KIRREL3: variants seen among roughly 807,000 people sequenced by gnomAD.
KIRREL3 encodes the protein kirre like nephrin family adhesion molecule 3, also known as kin of IRRE-like protein 3.
Under a neutral mutation model 89.7 loss-of-function variants are expected in KIRREL3, and 36 were observed. The ratio of observed to expected loss-of-function variants is 0.40; its 90% CI spans 0.31 to 0.53. The LOEUF is 0.53. Among genes scored for constraint, KIRREL3 ranks in the 20% least tolerant of loss-of-function variants. KIRREL3 has a pLI of 0.49. For missense variants in KIRREL3, 864 were observed against 1,056.6 expected (o/e 0.82, Z 2.53); for synonymous variants, 445 against 441.4 (o/e 1.01, Z -0.10).
In KIRREL3 at chr11:126,570,040, C is replaced by A. The variant is rs1255391235; in HGVS notation, c.56-7128G>T. On this transcript the variant is annotated intron_variant, in intron 1 of 16. Transcript: ENST00000525144. This position sits in a 1 kb window ranked among gnomAD's most constrained non-coding sequence, Gnocchi z 6.1. ...CAAAGATCATAATTTTCTGATCAAC[C>A]TCTATCATAAAGAGGACTGAAGAGT... Among the ~76,000 whole-genome samples the A allele has an allele frequency of 1.3e-5, 2 of 152,140 alleles. No individual in the cohort carries two copies. Among genetic ancestry groups the A allele is most frequent in the Non-Finnish European group, 1.5e-5 (1 of 68,046 alleles).
Position 126,605,598 on chromosome 11 carries a change from C to T in KIRREL3, c.56-42686G>A, listed in dbSNP as rs1044443744. ...TGCTGGGCACTTCATTTCCCAGAGA[C>T]AACCGGCGCGTTTTAATAATGTCTA... On this transcript the variant is annotated intron_variant, in intron 1 of 16. Transcript: ENST00000525144. This position sits in a 1 kb window ranked among gnomAD's most constrained non-coding sequence, Gnocchi z 5.7. 1.3e-5 allele frequency among the ~76,000 whole-genome samples: 2 copies of T among 152,240 alleles called. No individual in the cohort carries two copies. Among genetic ancestry groups the T allele is most frequent in the Admixed American group, 1.3e-4 (2 of 15,284 alleles).
chr11:126,849,091 T>G (rs1462038987), intron 1 of KIRREL3, among the ~76,000 whole-genome samples: 2 of 152,138 alleles, frequency 1.3e-5, no homozygotes, highest in Non-Finnish European at 2.9e-5. Context: ...CAGAGTGAGA[T>G]AGGAGGTCGA....
At chr11:126,444,819 G>A (rs1955726484) in intron 10 of KIRREL3, among the ~76,000 whole-genome samples, 160 bp downstream of exon 10, 1 of 152,192 alleles carries the variant, frequency 6.6e-6, no homozygotes, top group Admixed American at 6.5e-5. Flanking sequence ...GGGTCTGACG[G>A]GGAATCCAGG....
chr11:126,756,012 T>C (rs1242370552), intron 1 of KIRREL3, among the ~76,000 whole-genome samples: 1 of 152,218 alleles, frequency 6.6e-6, no homozygotes, highest in Non-Finnish European at 1.5e-5. Context: ...AGCAATGGAA[T>C]GGGAGCTCTT....
At position 126,440,668 on chromosome 11, in the gene KIRREL3, G is replaced by A. The variant is rs993523357; in HGVS notation, c.1253-119C>T. 20 of 907,340 alleles carry A rather than the reference G, an allele frequency of 2.2e-5. No homozygotes were observed. The African/African-American group carries it at 2.6e-4, about 12-fold the overall frequency. 56.2% of individuals were successfully genotyped at this position (907,340 alleles called of 1,614,324 possible). On this transcript the variant is annotated intron_variant, in intron 10 of 16. Transcript: ENST00000525144. ...AGCATTCAGCAAACATTTGCCGAAG[G>A]CCTGTATGTGCAAGGTAAAGTGCAA... is the stretch of plus-strand genomic sequence containing the variant.
chr11:126,582,459 T>G (rs1317904129), intron 1 of KIRREL3, among the ~76,000 whole-genome samples: 1 of 152,174 alleles, frequency 6.6e-6, no homozygotes, highest in Non-Finnish European at 1.5e-5. Flanking sequence ...GGGGGTTTAG[T>G]GGAAATCCTC....
chr11:126,930,832 C>A (rs1315876565), intron 1 of KIRREL3, among the ~76,000 whole-genome samples: 5 of 152,214 alleles, frequency 3.3e-5, no homozygotes, highest in Non-Finnish European at 7.3e-5. Flanking sequence ...TACCCCTGCA[C>A]ACAGCTGACC....
At chr11:126,509,987 G>A (rs1277659168) in intron 4 of KIRREL3, among the ~76,000 whole-genome samples, 8 of 49,380 alleles carry the variant, frequency 1.6e-4, no homozygotes, top group East Asian at 1.6e-3. Context: ...GCAAGACTCC[G>A]TCTCAAAAAA....
rs1591673391 is a variant in KIRREL3 at position 126,522,283 on chromosome 11, A to AT, written c.284-820_284-819insA. 1.3e-5 allele frequency among the ~76,000 whole-genome samples: 2 copies of AT among 152,194 alleles called. No homozygotes were observed. Among genetic ancestry groups the AT allele is most frequent in the East Asian group, 3.8e-4 (2 of 5,196 alleles). On this transcript the variant is annotated intron_variant, in intron 3 of 16. Transcript: ENST00000525144. The surrounding 1 kb of genome is among the most constrained non-coding windows in gnomAD (Gnocchi z 6.0). ...AGGCTGAGAATTACAGAGAGAAGAC[A>AT]GTCAGAGAGAGAAGGAAGGAAAAAG...
At chr11:126,688,071 T>A (rs957091572) in intron 1 of KIRREL3, among the ~76,000 whole-genome samples, 1 of 152,238 alleles carries the variant, frequency 6.6e-6, no homozygotes, top group Non-Finnish European at 1.5e-5. Flanking sequence ...TGCTAGTATG[T>A]CAATTCCGAG....
At position 126,594,832 on chromosome 11, in the gene KIRREL3, G is replaced by A. The variant is rs1047414362; in HGVS notation, c.56-31920C>T. 6.6e-6 allele frequency among the ~76,000 whole-genome samples: 1 copy of A among 152,208 alleles called. No homozygotes were observed. Among genetic ancestry groups the A allele is most frequent in the Non-Finnish European group, 1.5e-5 (1 of 68,032 alleles). ...CCTCAGCGATGGAACCTGCATTTGG[G>A]AGCTGCTCGATCTTTTCTGTTAGCA... On this transcript the variant is annotated intron_variant, in intron 1 of 16. Coordinates refer to ENST00000525144, the MANE Select transcript of KIRREL3 (RefSeq NM_032531.4). The surrounding 1 kb of genome is among the most constrained non-coding windows in gnomAD (Gnocchi z 5.0).
In KIRREL3 at chr11:126,897,725, AGCAGCAGTACAACAT is replaced by A. The variant is rs1946222775; in HGVS notation, c.55+102715_55+102729del. ...TTGATTTCATCTCCAGTTTCGGACG[AGCAGCAGTACAACAT>A]GCAGCAGCAAAAGCCCATTTTATTC... On this transcript the variant is annotated intron_variant, in intron 1 of 16. Coordinates refer to ENST00000525144, the MANE Select transcript of KIRREL3 (RefSeq NM_032531.4). This position sits in a 1 kb window ranked among gnomAD's most constrained non-coding sequence, Gnocchi z 4.2. Among the ~76,000 whole-genome samples, 1 of 152,250 alleles carries A rather than the reference AGCAGCAGTACAACAT, an allele frequency of 6.6e-6. No homozygotes were observed. Among genetic ancestry groups the A allele is most frequent in the Non-Finnish European group, 1.5e-5 (1 of 68,052 alleles).
Position 126,568,678 on chromosome 11 carries a change from C to T in KIRREL3, c.56-5766G>A, listed in dbSNP as rs1194680543. ...AGGCTTCTCTGAGCTTTGGTTTCCT[C>T]ATTTATAAAACGTTGATTCTAACGG... On this transcript the variant is annotated intron_variant, in intron 1 of 16. Transcript: ENST00000525144. The surrounding 1 kb of genome is among the most constrained non-coding windows in gnomAD (Gnocchi z 4.6). 2.6e-5 allele frequency among the ~76,000 whole-genome samples: 4 copies of T among 152,160 alleles called. No individual in the cohort carries two copies. The highest frequency in any genetic ancestry group is 9.7e-5 in the African/African-American group (4 of 41,450).
At chr11:126,473,519 CGGCA>C (rs1591599162) in intron 4 of KIRREL3, 53 bp from the exon 5 acceptor site, 6 of 1,457,074 alleles carry the variant, frequency 4.1e-6, no homozygotes, top group Non-Finnish European at 3.7e-6. Context: ...TCGGGCAGGA[CGGCA>C]GGCAGGCTGG....
chr11:126,691,026 T>C (rs1164567964), intron 1 of KIRREL3, among the ~76,000 whole-genome samples: 1 of 152,156 alleles, frequency 6.6e-6, no homozygotes, highest in East Asian at 1.9e-4. Context: ...ACACATATGG[T>C]CAATAAACAT....
rs1243715288 is a variant in KIRREL3 at position 126,429,758 on chromosome 11, G to A, written c.1697-470C>T. On this transcript the variant is annotated intron_variant, in intron 14 of 16. Transcript: ENST00000525144. This position sits in a 1 kb window ranked among gnomAD's most constrained non-coding sequence, Gnocchi z 5.2. ...AAGAGAAACGCCCCTGAGGCAGTGG[G>A]CAGCTTCTCTGTCGACGCCTCCGTG... Among the ~76,000 whole-genome samples the A allele has an allele frequency of 6.6e-6, 1 of 152,250 alleles. No homozygotes were observed. Among genetic ancestry groups the A allele is most frequent in the Non-Finnish European group, 1.5e-5 (1 of 68,050 alleles).
intron 4 of KIRREL3, among the ~76,000 whole-genome samples, chr11:126,488,702 A>G (rs1591623266): frequency 6.6e-6 from 1 of 152,236 alleles, no homozygotes; most frequent in East Asian, 1.9e-4. Context: ...ACACCCTCCC[A>G]CCACCCATGA....
At position 126,640,615 on chromosome 11, in the gene KIRREL3, G is replaced by T. The variant is rs572184201; in HGVS notation, c.56-77703C>A. On this transcript the variant is annotated intron_variant, in intron 1 of 16. Transcript: ENST00000525144. This position sits in a 1 kb window ranked among gnomAD's most constrained non-coding sequence, Gnocchi z 4.9. ...TAATACACCTCATAGCATTTAGTCT[G>T]AACCTTACAGCATGGTCTTAAAGAG... 0.023 allele frequency among the ~76,000 whole-genome samples: 3,576 copies of T among 152,224 alleles called. 40 individuals carry two copies. Among genetic ancestry groups the T allele is most frequent in the Middle Eastern group, 0.088 (26 of 294 alleles).
Position 126,570,751 on chromosome 11 carries a change from G to T in KIRREL3, c.56-7839C>A, listed in dbSNP as rs898809209. Among the ~76,000 whole-genome samples the T allele has an allele frequency of 6.6e-6, 1 of 152,238 alleles. No individual in the cohort carries two copies. The highest frequency in any genetic ancestry group is 2.4e-5 in the African/African-American group (1 of 41,462). ...GCAACTCCTCACCACCAGCTGTGGG[G>T]TCTAGAATTATCTGTGCTGCTATGT... On this transcript the variant is annotated intron_variant, in intron 1 of 16. Transcript: ENST00000525144. This position sits in a 1 kb window ranked among gnomAD's most constrained non-coding sequence, Gnocchi z 6.1.
Sources: gnomAD v4.1 joint callset for allele counts (sites outside exome capture counted in the v4.1 genomes callset) on GRCh38, gnomAD v4.1.1 for gene constraint, Gnocchi (gnomAD v3.1) non-coding constraint, MANE v1.5 for transcripts, NCBI Gene and HGNC (gene_info 2026-07-23, HGNC 2026-07-21) for gene names.